Variants in RBM27 observed in about 807,000 individuals in gnomAD.
RBM27 encodes RNA binding motif protein 27, also known as RNA-binding protein 27.
In RBM27, 22 loss-of-function variants were observed where a neutral mutation model predicts 135.3. The observed-to-expected ratio is 0.16, with a 90% CI of 0.12 to 0.23. The LOEUF (loss-of-function observed/expected upper bound fraction) is 0.23. RBM27 is among the 10% of genes least tolerant of loss of function. The pLI, the probability that RBM27 is intolerant of heterozygous loss-of-function variation, is 1.00. For missense variants in RBM27, 1,009 were observed against 1,281.0 expected, an observed-to-expected ratio of 0.79 and a Z score of 3.24; for synonymous variants, 481 against 442.4, an observed-to-expected ratio of 1.09 and a Z score of -1.10.
intron 2 of RBM27, among the ~76,000 whole-genome samples, chr5:146,223,093 C>T (rs1010996911): frequency 1.3e-4 from 20 of 151,990 alleles, no homozygotes; most frequent in African/African-American, 4.1e-4. Context: ...TTTTTATAGC[C>T]GCTGTGTACT....
intron 19 of RBM27, among the ~76,000 whole-genome samples, chr5:146,274,607 A>G (rs1309072092): frequency 6.6e-6 from 1 of 152,086 alleles, no homozygotes; most frequent in African/African-American, 2.4e-5. Flanking sequence ...TTTTCTTCAC[A>G]TTCACTTTTG....
chr5:146,242,282 C>T (rs898513478), intron 8 of RBM27, among the ~76,000 whole-genome samples: 2 of 152,116 alleles, frequency 1.3e-5, no homozygotes, highest in South Asian at 2.1e-4. Context: ...ATATCCCCCC[C>T]GTTTTGTTGT....
rs186840306 is a variant in RBM27 at position 146,216,788 on chromosome 5, G to A, written c.60-2197G>A. 1.4e-4 allele frequency among the ~76,000 whole-genome samples: 21 copies of A among 152,178 alleles called. No homozygotes were observed. In the East Asian group the frequency reaches 3.9e-3, roughly 28 times the overall value. Reference sequence around the variant, plus strand: ...TGCTCCTGTCTCAGCTTCCTTAGTAGCTGGGAGTACAGGTGTGCGCCACCA... The same window carrying A: ...TGCTCCTGTCTCAGCTTCCTTAGTAACTGGGAGTACAGGTGTGCGCCACCA... On this transcript the variant is annotated intron_variant, in intron 1 of 20. Transcript: ENST00000265271.
chr5:146,263,384 G>A (rs753483063), intron 13 of RBM27, 107 bp from the exon 14 acceptor site: 96 of 1,105,278 alleles, frequency 8.7e-5, no homozygotes, highest in Non-Finnish European at 1.1e-4. Flanking sequence ...GCACCTTCCC[G>A]TTCCCATTTT....
chr5:146,248,275 A>C (rs923547664), intron 8 of RBM27, among the ~76,000 whole-genome samples: 2 of 140,130 alleles, frequency 1.4e-5, no homozygotes, highest in African/African-American at 5.4e-5. Flanking sequence ...CCAGTTTTTG[A>C]TAACTCTCTT....
At chr5:146,234,819 A>C (rs1291452522) in intron 7 of RBM27, among the ~76,000 whole-genome samples, 1 of 151,968 alleles carries the variant, frequency 6.6e-6, no homozygotes. Flanking sequence ...GGATCACTTG[A>C]ACTCTGGAGT....
intron 15 of RBM27, among the ~76,000 whole-genome samples, chr5:146,268,812 A>G (rs1204831890): frequency 6.6e-6 from 1 of 151,830 alleles, no homozygotes; most frequent in Non-Finnish European, 1.5e-5. Context: ...AAGCATTCCT[A>G]CCACCTCAGC....
intron 1 of RBM27, among the ~76,000 whole-genome samples, chr5:146,208,032 C>G (rs941601551): frequency 6.8e-6 from 1 of 146,668 alleles, no homozygotes; most frequent in Non-Finnish European, 1.5e-5. Context: ...TCTTGGCTCA[C>G]TGCAACTTCT....
chr5:146,240,324 C>CTGTCTGTCTGTT (rs1757354108), intron 8 of RBM27, among the ~76,000 whole-genome samples: 1 of 151,840 alleles, frequency 6.6e-6, no homozygotes, highest in Admixed American at 6.6e-5. Context: ...GTCTGTCTGT[C>CTGTCTGTCTGTT]TGTCTGTCTA....
chr5:146,285,184 A>T (rs1468832749), intron 20 of RBM27, among the ~76,000 whole-genome samples: 2 of 152,158 alleles, frequency 1.3e-5, no homozygotes, highest in African/African-American at 4.8e-5. Context: ...TAAAGACCTA[A>T]ATAATAAAAG....
intron 13 of RBM27, among the ~76,000 whole-genome samples, chr5:146,263,172 C>A (rs968391764): frequency 2.0e-5 from 3 of 152,198 alleles, no homozygotes; most frequent in Non-Finnish European, 4.4e-5. Flanking sequence ...GTGTGAGCCA[C>A]TGTGCCCAGC....
chr5:146,229,637 G>C (rs1756841160), intron 4 of RBM27, 80 bp from the exon 5 acceptor site: 1 of 1,195,394 alleles, frequency 8.4e-7, no homozygotes, highest in Non-Finnish European at 1.2e-6. Context: ...GATGACTCAA[G>C]AGTAGTATTT....
intron 19 of RBM27, among the ~76,000 whole-genome samples, chr5:146,283,589 C>T (rs1759456829): frequency 6.6e-6 from 1 of 151,878 alleles, no homozygotes; most frequent in Admixed American, 6.6e-5. Context: ...TATTTTGATA[C>T]ATCAGTTTGG....
intron 3 of RBM27, among the ~76,000 whole-genome samples, chr5:146,224,523 A>G (rs1756584332): frequency 6.6e-6 from 1 of 152,092 alleles, no homozygotes; most frequent in African/African-American, 2.4e-5. Flanking sequence ...TCTACTAAAA[A>G]TACAAAATAT....
At chr5:146,270,794 CTAT>C (rs1758828672) in intron 17 of RBM27, among the ~76,000 whole-genome samples, 157 bp from the exon 18 acceptor site, 1 of 152,300 alleles carries the variant, frequency 6.6e-6, no homozygotes, top group South Asian at 2.1e-4. Context: ...GTTGGCACTA[CTAT>C]ATCTGTAAAG....
At chr5:146,270,878 T>C (rs977965716) in intron 17 of RBM27, 76 bp from the exon 18 acceptor site, 1 of 870,544 alleles carries the variant, frequency 1.1e-6, no homozygotes, top group African/African-American at 1.7e-5. Context: ...TGTGTGTCAT[T>C]GTGTAACTAT....
Position 146,230,813 on chromosome 5 carries a change from C to G in RBM27, c.746C>G (p.Ser249Cys). The G allele has an allele frequency of 6.2e-6, 10 of 1,614,020 alleles. No homozygotes were observed. Among genetic ancestry groups the G allele is most frequent in the Non-Finnish European group, 7.6e-6 (9 of 1,179,930 alleles). The stretch of plus-strand genomic sequence containing the variant: ...ACTGTGATCGCACCTGCTCACCACT[C>G]TGAAAACACAACTGAGAGTTGGTCT... ...TVTVIAPAHH[S>C]ENTTESWSNY... Residue 249 changes from serine to cysteine, a missense_variant, in exon 6 of 21, where the codon TCT becomes TGT. Ser to Cys is a moderately radical substitution (Grantham distance 112). This residue lies in a region of RBM27 where 268 missense variants were observed against 326.6 expected (regional missense o/e 0.82). Coordinates refer to ENST00000265271, the MANE Select transcript of RBM27 (RefSeq NM_018989.2).
chr5:146,265,465 A>G (rs1758574224), intron 14 of RBM27, among the ~76,000 whole-genome samples: 1 of 152,188 alleles, frequency 6.6e-6, no homozygotes, highest in Admixed American at 6.5e-5. Flanking sequence ...TGGTTATGGC[A>G]AGTATAGAAG....
intron 3 of RBM27, among the ~76,000 whole-genome samples, chr5:146,224,264 C>G (rs1294149511): frequency 2.6e-5 from 4 of 152,156 alleles, no homozygotes; most frequent in Non-Finnish European, 4.4e-5. Flanking sequence ...TATATAGTTT[C>G]TAGTCCAGTG....
Sources: allele counts gnomAD v4.1 joint callset (sites outside exome capture counted in the v4.1 genomes callset), GRCh38; gene constraint gnomAD v4.1.1; regional missense constraint gnomAD v4.1.1; transcripts MANE v1.5; gene names NCBI Gene and HGNC (gene_info 2026-07-23, HGNC 2026-07-21).